Variants in SAMD3 observed in about 807,000 individuals in gnomAD.
SAMD3 encodes the protein sterile alpha motif domain containing 3.
In SAMD3, 63 loss-of-function variants were observed where a neutral mutation model predicts 58.5. The observed-to-expected ratio is 1.08, with a 90% confidence interval of 0.88 to 1.33. The LOEUF is 1.33. Ranked by LOEUF, SAMD3 falls within the 40% of genes most tolerant of loss-of-function variation. The pLI, the probability that SAMD3 is intolerant of heterozygous loss-of-function variation, is 0.00. For synonymous variants in SAMD3, 220 were observed against 210.3 expected (o/e 1.05, Z -0.40); for missense variants, 604 against 608.4 (o/e 0.99, Z 0.08).
chr6:130,248,289 T>C (rs1773624397), intron 2 of SAMD3, among the ~76,000 whole-genome samples: 1 of 152,068 alleles, frequency 6.6e-6, no homozygotes, highest in African/African-American at 2.4e-5. Flanking sequence ...TTCAACATTG[T>C]TCAAACACAC....
intron 2 of SAMD3, among the ~76,000 whole-genome samples, chr6:130,254,121 T>C (rs1007298579): frequency 2.6e-5 from 4 of 152,178 alleles, no homozygotes; most frequent in Middle Eastern, 3.4e-3. Flanking sequence ...AGCTCCCAAG[T>C]ATCTGGGACT....
At chr6:130,356,066 G>A (rs185775955) in intron 1 of SAMD3, among the ~76,000 whole-genome samples, 3 of 152,024 alleles carry the variant, frequency 2.0e-5, no homozygotes, top group Non-Finnish European at 4.4e-5. Context: ...TCAGGATTGT[G>A]AAAATGCGAA....
Position 130,236,603 on chromosome 6 carries a change from C to T in SAMD3, c.-187-13790G>A, listed in dbSNP as rs188693503. Among the ~76,000 whole-genome samples the T allele has an allele frequency of 4.5e-3, 680 of 152,234 alleles. 8 individuals carry two copies. Among genetic ancestry groups the T allele is most frequent in the Middle Eastern group, 0.01 (3 of 294 alleles). The stretch of plus-strand genomic sequence containing the variant: ...TTCACCATGTTGGCCAGGCTGGTCT[C>T]AAACTCCTGACCTTGTGATCCACCC... On this transcript the variant is annotated intron_variant, in intron 2 of 13. Transcript: ENST00000368134.
chr6:130,297,509 A>C (rs1350217717), intron 2 of SAMD3, among the ~76,000 whole-genome samples: 1 of 152,228 alleles, frequency 6.6e-6, no homozygotes, highest in South Asian at 2.1e-4. Flanking sequence ...GAAGGATTGC[A>C]TTCTCTTTCT....
intron 5 of SAMD3, among the ~76,000 whole-genome samples, chr6:130,196,669 T>C (rs1350966320): frequency 2.0e-5 from 3 of 152,208 alleles, no homozygotes; most frequent in Non-Finnish European, 4.4e-5. Flanking sequence ...GCTATTCTAC[T>C]ACTCCTCAGG....
At position 130,344,998 on chromosome 6, in the gene SAMD3, G is replaced by A. The variant is rs1054560373; in HGVS notation, c.-304+20122C>T. On this transcript the variant is annotated intron_variant, in intron 1 of 13. Transcript: ENST00000368134. ...TTTTTATCACAGTACACAAATGGAG[G>A]AAAAAGGGATGCTTTATGAACCAAA... 2.0e-5 allele frequency among the ~76,000 whole-genome samples: 3 copies of A among 151,810 alleles called. No individual in the cohort carries two copies. In the East Asian group the frequency reaches 5.8e-4, roughly 29 times the overall value.
At chr6:130,170,414 A>C (rs1481194990) in intron 8 of SAMD3, among the ~76,000 whole-genome samples, 1 of 152,124 alleles carries the variant, frequency 6.6e-6, no homozygotes, top group Non-Finnish European at 1.5e-5. Context: ...TCCGTGGTGT[A>C]TATGTGCCAC....
At chr6:130,171,815 G>T (rs768726487) in intron 8 of SAMD3, among the ~76,000 whole-genome samples, 2 of 152,158 alleles carry the variant, frequency 1.3e-5, no homozygotes, top group African/African-American at 4.8e-5. Flanking sequence ...GGGTGTTAAA[G>T]TCGCCTACTA....
chr6:130,171,384 A>G (rs1307455714), intron 8 of SAMD3, among the ~76,000 whole-genome samples: 1 of 152,128 alleles, frequency 6.6e-6, no homozygotes, highest in Non-Finnish European at 1.5e-5. Flanking sequence ...TGTCAGGGAT[A>G]TTGGCCTGAA....
intron 2 of SAMD3, among the ~76,000 whole-genome samples, chr6:130,282,762 T>C (rs1775024818): frequency 6.6e-6 from 1 of 152,206 alleles, no homozygotes; most frequent in South Asian, 2.1e-4. Flanking sequence ...TCATGCAGGC[T>C]CAAGATTCAA....
At chr6:130,278,506 A>G (rs1393887418) in intron 2 of SAMD3, among the ~76,000 whole-genome samples, 2 of 152,120 alleles carry the variant, frequency 1.3e-5, no homozygotes, top group African/African-American at 4.8e-5. Flanking sequence ...TATTCATACA[A>G]TTTCCATTGC....
intron 9 of SAMD3, among the ~76,000 whole-genome samples, chr6:130,150,238 TG>T (rs1341053605): frequency 7.2e-5 from 11 of 152,210 alleles, no homozygotes; most frequent in South Asian, 4.1e-4. Flanking sequence ...CTTGCCAGAC[TG>T]GTGGAGTGGC....
chr6:130,204,263 C>T (rs1050704825), intron 5 of SAMD3, among the ~76,000 whole-genome samples: 3 of 152,060 alleles, frequency 2.0e-5, no homozygotes, highest in African/African-American at 7.2e-5. Flanking sequence ...CAGTTTCAAA[C>T]AGGGTAGACA....
At chr6:130,143,423 T>C (rs553800659), downstream of SAMD3, among the ~76,000 whole-genome samples, 4 of 152,288 alleles carry the variant, frequency 2.6e-5, no homozygotes, top group Admixed American at 2.6e-4. Context: ...TTTGTTTTTT[T>C]AGTAGAGACA....
Position 130,287,341 on chromosome 6 carries a change from C to T in SAMD3, c.-188+25637G>A, listed in dbSNP as rs186458602. Among the ~76,000 whole-genome samples the T allele has an allele frequency of 5.2e-3, 784 of 152,020 alleles. 4 individuals are homozygous for T. Among genetic ancestry groups the T allele is most frequent in the Non-Finnish European group, 8.5e-3 (578 of 67,990 alleles). ...GTAATTTTCATGTATCTTGATAGTC[C>T]CCATAGTGCCTAGCATTCTTGCATT... On this transcript the variant is annotated intron_variant, in intron 2 of 13. Transcript: ENST00000368134.
rs528317340 is a variant in SAMD3 at position 130,154,372 on chromosome 6, C to T, written c.1023+453G>A. 3.9e-5 allele frequency among the ~76,000 whole-genome samples: 6 copies of T among 151,982 alleles called. 1 individual carries two copies. The South Asian group carries it at 1.2e-3, about 32-fold the overall frequency. ...CACACCCCACTGAGATTCACCCCCA[C>T]TGTCTTGCTATGTTGTCCTGTTACC... On this transcript the variant is annotated intron_variant, in intron 9 of 11. Transcript: ENST00000439090.
chr6:130,166,231 A>G (rs760585719), intron 8 of SAMD3, among the ~76,000 whole-genome samples: 4 of 152,154 alleles, frequency 2.6e-5, no homozygotes, highest in Non-Finnish European at 5.9e-5. Context: ...TTATTCTGAA[A>G]ATGAGGATGA....
At chr6:130,162,106 A>G in intron 8 of SAMD3, 1 of 547,242 alleles carries the variant, frequency 1.8e-6, no homozygotes. Context: ...AACTTGAGTT[A>G]AAGCCAAACA....
intron 1 of SAMD3, among the ~76,000 whole-genome samples, chr6:130,362,664 C>T (rs1254235451): frequency 1.3e-5 from 2 of 152,092 alleles, no homozygotes. Flanking sequence ...GGTTTATTAT[C>T]TAACAAGGAG....
Sources: allele counts gnomAD v4.1 joint callset (sites outside exome capture counted in the v4.1 genomes callset), GRCh38; gene constraint gnomAD v4.1.1; transcripts MANE v1.5; gene names NCBI Gene and HGNC (gene_info 2026-07-23, HGNC 2026-07-21).